Variants in LIPJ observed in about 807,000 individuals in gnomAD.
The protein encoded by LIPJ is lipase family member J.
A neutral mutation model predicts 39.8 loss-of-function variants in LIPJ; 33 were observed. The ratio of observed to expected loss-of-function variants is 0.83; its 90% CI spans 0.63 to 1.11. LIPJ has a LOEUF of 1.11. Ranked by LOEUF, LIPJ falls within the 50% of genes least tolerant of loss-of-function variation. LIPJ has a pLI of 0.00. For synonymous variants in LIPJ, 128 were observed against 139.2 expected (o/e 0.92, Z 0.57); for missense variants, 422 against 427.9 (o/e 0.99, Z 0.12).
intron 9 of LIPJ, among the ~76,000 whole-genome samples, chr10:88,604,283 G>T (rs764343375): frequency 6.6e-6 from 1 of 152,204 alleles, no homozygotes; most frequent in Admixed American, 6.5e-5. Context: ...ACAGGGATCT[G>T]CATGTCATTG....
intron 9 of LIPJ, 110 bp downstream of exon 9, chr10:88,602,757 A>C: frequency 1.9e-6 from 1 of 540,310 alleles, no homozygotes. Flanking sequence ...TTATAAGGAT[A>C]AAATGAAATT....
chr10:88,583,694 A>G (rs1367747527), upstream of LIPJ: 2 of 986,196 alleles, frequency 2.0e-6, no homozygotes, highest in Non-Finnish European at 2.4e-6. Context: ...CTATTAGCAT[A>G]ATAGAAACAT....
chr10:88,617,519 A>G, the LIPJ span, among the ~76,000 whole-genome samples: 1 of 152,320 alleles, frequency 6.6e-6, no homozygotes, highest in South Asian at 2.1e-4. Flanking sequence ...TGTCACTGAC[A>G]TAAGAACGGA....
At chr10:88,610,877 T>C (rs1387397296), downstream of LIPJ, among the ~76,000 whole-genome samples, 2 of 152,216 alleles carry the variant, frequency 1.3e-5, no homozygotes, top group Non-Finnish European at 2.9e-5. Flanking sequence ...TTGAAATTAG[T>C]CATAGAATTA....
downstream of LIPJ, chr10:88,607,077 C>A: frequency 1.8e-6 from 1 of 567,284 alleles, no homozygotes; most frequent in Non-Finnish European, 2.6e-6. Flanking sequence ...TGTCATTCAT[C>A]ATCTCAGGGG....
the LIPJ span, among the ~76,000 whole-genome samples, chr10:88,621,294 T>A: frequency 2.6e-5 from 4 of 151,960 alleles, no homozygotes; most frequent in Non-Finnish European, 5.9e-5. Flanking sequence ...ATAAACAGAG[T>A]GTGGTACATC....
chr10:88,596,337 C>T (rs1156405890), exon 7 of LIPJ: 1 of 1,553,194 alleles, frequency 6.4e-7, no homozygotes, highest in Non-Finnish European at 8.7e-7. Context: ...ATATTTTTTG[C>T]TTTAGCACCA....
chr10:88,586,141 A>T (rs1046089628), upstream of LIPJ, among the ~76,000 whole-genome samples: 8 of 152,122 alleles, frequency 5.3e-5, no homozygotes, highest in African/African-American at 1.9e-4. Flanking sequence ...CCCTATGATC[A>T]TACGCTCTTT....
chr10:88,593,397 C>T (rs1851146217), intron 4 of LIPJ: 1 of 151,876 alleles, frequency 6.6e-6, no homozygotes, highest in South Asian at 2.1e-4. Flanking sequence ...AATATATTCT[C>T]ACCATTTTTA....
At chr10:88,614,540 A>G in the LIPJ span, among the ~76,000 whole-genome samples, 1 of 152,168 alleles carries the variant, frequency 6.6e-6, no homozygotes, top group Non-Finnish European at 1.5e-5. Flanking sequence ...TTAAAATACT[A>G]TTTTGAAACA....
intron 10 of LIPJ, among the ~76,000 whole-genome samples, 176 bp from the exon 11 acceptor site, chr10:88,606,497 CT>C (rs1454366793): frequency 1.1e-4 from 17 of 152,088 alleles, no homozygotes; most frequent in African/African-American, 3.9e-4. Context: ...TCAAGTAAAA[CT>C]TGTAATCCCT....
chr10:88,596,864 A>G (rs772769642), exon 8 of LIPJ: 1 of 1,598,824 alleles, frequency 6.3e-7, no homozygotes, highest in South Asian at 1.1e-5. Flanking sequence ...TGTGTCCACT[A>G]CAGATTTTTG....
At chr10:88,590,514 T>A in intron 2 of LIPJ, 71 bp from the exon 3 acceptor site, 1 of 523,234 alleles carries the variant, frequency 1.9e-6, no homozygotes, top group Non-Finnish European at 3.4e-6. Flanking sequence ...ATAGAATTAT[T>A]GGCTGCAGTT....
chr10:88,601,476 C>G (rs1205677329), intron 8 of LIPJ, among the ~76,000 whole-genome samples: 1 of 152,160 alleles, frequency 6.6e-6, no homozygotes, highest in East Asian at 1.9e-4. Context: ...TAATCTATGG[C>G]CTTTAGTCCA....
rs1194972890 is a variant in LIPJ, at chr10:88,606,839, T to A, written c.1033T>A (p.Leu345Met). 1.7e-5 allele frequency: 28 copies of A among 1,608,922 alleles called. 1 individual carries two copies. The Admixed American group carries it at 4.7e-4, about 27-fold the overall frequency. ...TTCTTACTACAATCATATAGACTCT[T>A]TGTTTGGATTAGATGTCTATGATCA... The change falls in exon 11 of 11, where the codon TTG becomes ATG. Residue 345 changes from leucine (L) to methionine (M), a missense_variant. By Grantham distance (15) the Leu-to-Met change is conservative. Coordinates refer to ENST00000371939, the Ensembl canonical transcript of LIPJ.
intron 8 of LIPJ, among the ~76,000 whole-genome samples, chr10:88,602,177 C>T (rs1226973085): frequency 1.3e-5 from 2 of 152,084 alleles, no homozygotes; most frequent in Admixed American, 1.3e-4. Flanking sequence ...TAACCTTAAA[C>T]AAACTGACTT....
intron 2 of LIPJ, among the ~76,000 whole-genome samples, chr10:88,589,762 A>G (rs1238611631): frequency 6.6e-6 from 1 of 151,838 alleles, no homozygotes. Context: ...TCTATGACAG[A>G]TATTACACTA....
rs1433302944 is a variant in LIPJ at position 88,597,138 on chromosome 10, A to G, written c.723+202A>G. On this transcript the variant is annotated intron_variant, in intron 8 of 10. Coordinates refer to ENST00000371939, the Ensembl canonical transcript of LIPJ. ...AACATGCTGGGATTATTTTACTTCC[A>G]TATTTGTCTTGCTGTCTGTAAATAT... Among the ~76,000 whole-genome samples, 3 of 151,766 alleles carry G rather than the reference A, an allele frequency of 2.0e-5. No individual in the cohort carries two copies. The East Asian group carries it at 5.8e-4, about 29-fold the overall frequency.
At chr10:88,592,719 A>C (rs545246674) in intron 4 of LIPJ, 1 of 152,036 alleles carries the variant, frequency 6.6e-6, no homozygotes, top group Admixed American at 6.6e-5. Flanking sequence ...CAATTTGGCC[A>C]TGGGCAATTC....
Sources: allele counts gnomAD v4.1 joint callset (sites outside exome capture counted in the v4.1 genomes callset), GRCh38; gene constraint gnomAD v4.1.1; transcripts MANE v1.5; gene names NCBI Gene and HGNC (gene_info 2026-07-23, HGNC 2026-07-21).